Variants in SEMA5A observed in about 807,000 individuals in gnomAD.
SEMA5A encodes semaphorin 5A.
In SEMA5A, 55 loss-of-function variants were observed where a neutral mutation model predicts 135.5. The observed-to-expected ratio is 0.41, with a 90% confidence interval of 0.33 to 0.51. SEMA5A has a LOEUF of 0.51. Ranked by LOEUF, SEMA5A falls within the 20% of genes least tolerant of loss-of-function variation. SEMA5A has a pLI of 0.37. For synonymous variants in SEMA5A, 580 were observed against 546.5 expected (o/e 1.06, Z -0.85); for missense variants, 1,290 against 1,419.9 (o/e 0.91, Z 1.47).
At chr5:9,392,482 G>T (rs1043850462) in intron 2 of SEMA5A, among the ~76,000 whole-genome samples, 1 of 152,174 alleles carries the variant, frequency 6.6e-6, no homozygotes, top group African/African-American at 2.4e-5. Flanking sequence ...AGGGGGGGAA[G>T]CTTCAGTAAT....
intron 16 of SEMA5A, among the ~76,000 whole-genome samples, chr5:9,098,871 G>A (rs1200263676): frequency 1.3e-5 from 2 of 152,182 alleles, no homozygotes; most frequent in African/African-American, 4.8e-5. Context: ...AAATGTGTGT[G>A]TGTGTACAAT....
intron 1 of SEMA5A, among the ~76,000 whole-genome samples, chr5:9,451,139 G>A (rs571146904): frequency 2.0e-4 from 30 of 152,188 alleles, no homozygotes; most frequent in Non-Finnish European, 3.2e-4. Flanking sequence ...TGTCGGTTAC[G>A]CTTCTCATCT....
At chr5:9,187,478 G>T (rs748913503) in intron 11 of SEMA5A, among the ~76,000 whole-genome samples, 86 of 152,156 alleles carry the variant, frequency 5.7e-4, no homozygotes, top group Non-Finnish European at 1.1e-3. Flanking sequence ...TTGGAGCAGG[G>T]TTTGTGTTGG....
At chr5:9,178,323 T>A (rs1158662221) in intron 11 of SEMA5A, among the ~76,000 whole-genome samples, 1 of 143,108 alleles carries the variant, frequency 7.0e-6, no homozygotes, top group Non-Finnish European at 1.5e-5. Context: ...TTCTTTTTTT[T>A]TTCTCTCCTT....
chr5:9,502,810 G>A (rs1001832796), intron 1 of SEMA5A, among the ~76,000 whole-genome samples: 1 of 152,188 alleles, frequency 6.6e-6, no homozygotes, highest in African/African-American at 2.4e-5. Flanking sequence ...TTCCCAAAGG[G>A]TTCTAATTGG....
chr5:9,046,782 C>T (rs1006944767), intron 21 of SEMA5A, among the ~76,000 whole-genome samples: 2 of 152,190 alleles, frequency 1.3e-5, no homozygotes, highest in Admixed American at 6.5e-5. Flanking sequence ...TCTGCCCCTT[C>T]GGGTGCATGG....
At chr5:9,412,603 T>TG (rs1054896674) in intron 2 of SEMA5A, among the ~76,000 whole-genome samples, 1 of 151,240 alleles carries the variant, frequency 6.6e-6, no homozygotes, top group Non-Finnish European at 1.5e-5. Context: ...TTTTTTTTTT[T>TG]TTTTTTGGAT....
chr5:9,312,344 C>CAA lies in SEMA5A; in HGVS notation c.270+6026_270+6027dup, dbSNP rs11311020. ...CTAAACTTCAGCATGCAGTGAGTTGCAAAAAAAAAAAAAAAAAAAATTATC... is the reference window on the plus strand; with the variant it reads ...CTAAACTTCAGCATGCAGTGAGTTGCAAAAAAAAAAAAAAAAAAAAAATTATC... On this transcript the variant is annotated intron_variant, in intron 5 of 22. Transcript: ENST00000382496. Among the ~76,000 whole-genome samples, 402 of 88,474 alleles carry CAA rather than the reference C, an allele frequency of 4.5e-3. 2 individuals are homozygous for CAA. Among genetic ancestry groups the CAA allele is most frequent in the Non-Finnish European group, 6.9e-3 (282 of 40,664 alleles). 58.0% of individuals were successfully genotyped at this position (88,474 alleles called of 152,430 possible). A position where few individuals can be genotyped will look rare whatever the true frequency, so the allele number is the denominator to read the frequency against.
chr5:9,423,275 G>C (rs1040137387), intron 2 of SEMA5A, among the ~76,000 whole-genome samples: 1 of 152,162 alleles, frequency 6.6e-6, no homozygotes, highest in Non-Finnish European at 1.5e-5. Flanking sequence ...AGATATTTTG[G>C]ATTACTTATA....
At chr5:9,060,861 A>G (rs1737144673) in intron 18 of SEMA5A, among the ~76,000 whole-genome samples, 2 of 152,322 alleles carry the variant, frequency 1.3e-5, no homozygotes, top group African/African-American at 2.4e-5. Flanking sequence ...TATCTGCTAC[A>G]AGCCAGTTTC....
chr5:9,247,292 T>C (rs1748532276), intron 5 of SEMA5A, among the ~76,000 whole-genome samples: 1 of 152,188 alleles, frequency 6.6e-6, no homozygotes, highest in Non-Finnish European at 1.5e-5. Context: ...TTGAGTCCTA[T>C]TATTGTGTAT....
chr5:9,503,026 A>G (rs959986463), intron 1 of SEMA5A, among the ~76,000 whole-genome samples: 1 of 152,218 alleles, frequency 6.6e-6, no homozygotes, highest in Non-Finnish European at 1.5e-5. Context: ...ACTGTGTCCA[A>G]ATAATGATAG....
chr5:9,525,818 A>G (rs1737093770), intron 1 of SEMA5A, among the ~76,000 whole-genome samples: 1 of 152,262 alleles, frequency 6.6e-6, no homozygotes, highest in Non-Finnish European at 1.5e-5. Flanking sequence ...ATGAATCAAT[A>G]GAAGGATATG....
chr5:9,312,729 A>G (rs1752199008), intron 5 of SEMA5A, among the ~76,000 whole-genome samples: 1 of 152,140 alleles, frequency 6.6e-6, no homozygotes, highest in African/African-American at 2.4e-5. Context: ...AGTTTGTCAA[A>G]AAGACAAGAT....
At chr5:9,307,603 A>C (rs529930376) in intron 5 of SEMA5A, among the ~76,000 whole-genome samples, 47 of 152,246 alleles carry the variant, frequency 3.1e-4, no homozygotes, top group African/African-American at 1.1e-3. Flanking sequence ...AATCATTACT[A>C]AAATTTGGAG....
intron 8 of SEMA5A, among the ~76,000 whole-genome samples, chr5:9,202,463 C>T (rs1159675450): frequency 3.3e-5 from 5 of 152,212 alleles, no homozygotes; most frequent in Non-Finnish European, 7.3e-5. Context: ...GGTATGATTA[C>T]ACACTCAAGT....
chr5:9,038,335 C>T lies in SEMA5A; in HGVS notation c.*4562G>A, dbSNP rs1213277208. The T allele has an allele frequency of 1.3e-5, 2 of 152,140 alleles. No homozygotes were observed. Among genetic ancestry groups the T allele is most frequent in the African/African-American group, 4.8e-5 (2 of 41,414 alleles). The allele number at this position is 152,140 out of a possible 1,614,324, so 9.4% of individuals were successfully genotyped here. On this transcript the variant is annotated 3_prime_UTR_variant, in exon 23 of 23. Transcript: ENST00000382496. ...TTTTATCAACCATTAGTACCTGTTG[C>T]CTCTGGTTCTGTGTTCCAGAGCCAT...
rs1178024067 is a variant in SEMA5A at position 9,088,649 on chromosome 5, T to C, written c.2073+19491A>G. Among the ~76,000 whole-genome samples the C allele has an allele frequency of 2.7e-4, 30 of 111,300 alleles. 1 individual carries two copies. Among genetic ancestry groups the C allele is most frequent in the Non-Finnish European group, 5.4e-4 (29 of 53,622 alleles). 73.0% of individuals were successfully genotyped at this position (111,300 alleles called of 152,430 possible). ...AGCCTACATTTATAATATATATATA[T>C]ATATATATATACACACACACACTCA... is the stretch of plus-strand genomic sequence containing the variant. On this transcript the variant is annotated intron_variant, in intron 16 of 22. Coordinates refer to ENST00000382496, the MANE Select transcript of SEMA5A (RefSeq NM_003966.3).
At chr5:9,293,190 G>GTC (rs55994381) in intron 5 of SEMA5A, among the ~76,000 whole-genome samples, 11,021 of 150,708 alleles carry the variant, frequency 0.073, 599 homozygotes, top group African/African-American at 0.15. Flanking sequence ...GAGCTCTCAG[G>GTC]TCTCTCTCTC....
Sources: gnomAD v4.1 joint callset for allele counts (sites outside exome capture counted in the v4.1 genomes callset) on GRCh38, gnomAD v4.1.1 for gene constraint, MANE v1.5 for transcripts, NCBI Gene and HGNC (gene_info 2026-07-23, HGNC 2026-07-21) for gene names.